ERGIC2: variants seen among roughly 807,000 people sequenced by gnomAD.
The protein encoded by ERGIC2 is ERGIC and golgi 2.
Under a neutral mutation model 52.5 loss-of-function variants are expected in ERGIC2, and 31 were observed. The observed-to-expected ratio is 0.59, with a 90% CI of 0.44 to 0.80. The LOEUF is 0.80. Ranked by LOEUF, ERGIC2 falls within the 30% of genes least tolerant of loss-of-function variation. The pLI, the probability that ERGIC2 is intolerant of heterozygous loss-of-function variation, is 0.00. For synonymous variants in ERGIC2, 129 were observed against 140.6 expected, an observed-to-expected ratio of 0.92 and a Z score of 0.58; for missense variants, 395 against 455.2, an observed-to-expected ratio of 0.87 and a Z score of 1.20.
chr12:29,376,215 A>C (rs1055143107), intron 1 of ERGIC2, among the ~76,000 whole-genome samples: 2 of 152,154 alleles, frequency 1.3e-5, no homozygotes, highest in Non-Finnish European at 2.9e-5. Flanking sequence ...TTTGATGAGG[A>C]AATGAGGCAC....
At chr12:29,357,551 C>T in intron 7 of ERGIC2, 72 bp downstream of exon 7, 1 of 819,610 alleles carries the variant, frequency 1.2e-6, no homozygotes. Flanking sequence ...AAAACTAAAC[C>T]AACACTTTAG....
intron 8 of ERGIC2, among the ~76,000 whole-genome samples, chr12:29,350,751 T>C (rs1329276601): frequency 6.6e-6 from 1 of 152,100 alleles, no homozygotes; most frequent in Non-Finnish European, 1.5e-5. Context: ...TGCATCAATG[T>C]CTGAAGTTCT....
At chr12:29,359,469 A>T (rs1940253790) in intron 6 of ERGIC2, among the ~76,000 whole-genome samples, 1 of 152,098 alleles carries the variant, frequency 6.6e-6, no homozygotes, top group African/African-American at 2.4e-5. Context: ...CCACACATGA[A>T]AGTATGCAGA....
chr12:29,341,239 A>G, intron 13 of ERGIC2, 21 bp from the exon 14 acceptor site: 1 of 1,577,906 alleles, frequency 6.3e-7, no homozygotes, highest in Non-Finnish European at 8.7e-7. Context: ...AAGGAGGGAA[A>G]AAAAGACCAA....
At chr12:29,373,824 T>C (rs972984099) in intron 1 of ERGIC2, among the ~76,000 whole-genome samples, 18 of 152,170 alleles carry the variant, frequency 1.2e-4, no homozygotes, top group Non-Finnish European at 5.9e-5. Flanking sequence ...GACCCCCACG[T>C]CAGTTATAAA....
At chr12:29,372,361 T>A (rs868833208) in intron 1 of ERGIC2, 3 of 149,780 alleles carry the variant, frequency 2.0e-5, no homozygotes, top group Non-Finnish European at 3.0e-5. Context: ...ATAAAAATAA[T>A]AATAATAATA....
At chr12:29,341,296 T>TA in intron 13 of ERGIC2, 78 bp from the exon 14 acceptor site, 2 of 1,143,152 alleles carry the variant, frequency 1.7e-6, no homozygotes, top group Non-Finnish European at 1.3e-6. Context: ...CACAAGGTTT[T>TA]ATTTTGGGCA....
chr12:29,355,492 C>T (rs1940190473), intron 8 of ERGIC2, among the ~76,000 whole-genome samples: 1 of 152,084 alleles, frequency 6.6e-6, no homozygotes, highest in East Asian at 1.9e-4. Flanking sequence ...GTTCAGCACT[C>T]TATATGGAAA....
intron 8 of ERGIC2, among the ~76,000 whole-genome samples, chr12:29,353,298 A>C (rs1017384391): frequency 6.6e-6 from 1 of 152,200 alleles, no homozygotes; most frequent in Non-Finnish European, 1.5e-5. Flanking sequence ...TACTAAAAAG[A>C]AAGTCTACTG....
At chr12:29,365,972 T>C (rs1734143594) in intron 5 of ERGIC2, among the ~76,000 whole-genome samples, 2 of 152,046 alleles carry the variant, frequency 1.3e-5, no homozygotes, top group South Asian at 2.1e-4. Context: ...ATCAAGTTTG[T>C]AGCTGTAAAC....
chr12:29,354,375 ATC>A (rs1940174139), intron 8 of ERGIC2, among the ~76,000 whole-genome samples: 1 of 152,222 alleles, frequency 6.6e-6, no homozygotes, highest in African/African-American at 2.4e-5. Context: ...TAGCCAATAC[ATC>A]TGTTTCAGTC....
At chr12:29,359,965 C>T (rs1940260288) in intron 6 of ERGIC2, among the ~76,000 whole-genome samples, 1 of 151,702 alleles carries the variant, frequency 6.6e-6, no homozygotes, top group South Asian at 2.1e-4. Flanking sequence ...CATAGGCAAA[C>T]ATTTTCACAA....
At chr12:29,361,804 T>C in intron 5 of ERGIC2, 119 bp from the exon 6 acceptor site, 1 of 652,430 alleles carries the variant, frequency 1.5e-6, no homozygotes. Context: ...AAAACAAGTA[T>C]TCATGGTTTA....
chr12:29,344,428 G>C (rs540014508), intron 11 of ERGIC2, among the ~76,000 whole-genome samples: 4 of 152,216 alleles, frequency 2.6e-5, no homozygotes, highest in African/African-American at 9.6e-5. Flanking sequence ...GTATTGCCTT[G>C]AGGTGTTTGC....
In ERGIC2 at chr12:29,339,239, AAAC is replaced by A. The variant is rs1949819995; in HGVS notation, c.*1914_*1916del. 1 of 152,228 alleles carries A rather than the reference AAAC, an allele frequency of 6.6e-6. No individual in the cohort carries two copies. The highest frequency in any genetic ancestry group is 2.1e-4 in the South Asian group (1 of 4,832). 9.4% of individuals were successfully genotyped at this position (152,228 alleles called of 1,614,324 possible). A position where few individuals can be genotyped will look rare whatever the true frequency, so the allele number is the denominator to read the frequency against. On this transcript the variant is annotated 3_prime_UTR_variant, in exon 14 of 14. Transcript: ENST00000360150. Reference sequence around the variant, plus strand: ...TTAATATGGTATTTGGAAAATACGAAAACAATTAAAAATCATATATAAGTATCA... The same window carrying A: ...TTAATATGGTATTTGGAAAATACGAAAATTAAAAATCATATATAAGTATCA...
At chr12:29,344,262 G>C (rs1306587655) in intron 11 of ERGIC2, among the ~76,000 whole-genome samples, 1 of 152,088 alleles carries the variant, frequency 6.6e-6, no homozygotes, top group African/African-American at 2.4e-5. Context: ...CGTATCTTTG[G>C]AATAGCTTTC....
rs1949821858 is a variant in ERGIC2, at chr12:29,339,528, A to G, written c.*1628T>C. The stretch of plus-strand genomic sequence containing the variant: ...ATTTGAAGAAAAAAAATTAAAACCT[A>G]GAGAAGGCTCATTCACGATTCAGAA... On this transcript the variant is annotated 3_prime_UTR_variant, in exon 14 of 14. Transcript: ENST00000360150. 6.6e-6 allele frequency: 1 copy of G among 152,208 alleles called. No homozygotes were observed. The allele number at this position is 152,208 out of a possible 1,614,324, so 9.4% of individuals were successfully genotyped here.
chr12:29,380,653 CAA>C (rs1199972698), intron 1 of ERGIC2: 1 of 152,120 alleles, frequency 6.6e-6, no homozygotes, highest in Non-Finnish European at 1.5e-5. Flanking sequence ...CGGGCAAGGC[CAA>C]GACTCTTAAA....
chr12:29,350,678 A>T (rs532330650), intron 8 of ERGIC2, among the ~76,000 whole-genome samples: 2 of 152,248 alleles, frequency 1.3e-5, no homozygotes, highest in South Asian at 4.1e-4. Context: ...TCCAATCTAA[A>T]TTAAAGCAAA....
Sources: allele counts gnomAD v4.1 joint callset (sites outside exome capture counted in the v4.1 genomes callset), GRCh38; gene constraint gnomAD v4.1.1; transcripts MANE v1.5; gene names NCBI Gene and HGNC (gene_info 2026-07-23, HGNC 2026-07-21).